The following NRG1 variants were observed in gnomAD, a reference collection of about 807,000 sequenced individuals.
NRG1 encodes neuregulin 1, also known as pro-neuregulin-1, membrane-bound isoform.
Under a neutral mutation model 63.8 loss-of-function variants are expected in NRG1, and 18 were observed. The observed-to-expected ratio is 0.28, with a 90% confidence interval of 0.19 to 0.42. The LOEUF is 0.42. Among genes scored for constraint, NRG1 ranks in the 10% least tolerant of loss-of-function variants. The pLI is 1.00. For missense variants in NRG1, 762 were observed against 814.7 expected (o/e 0.94, Z 0.79); for synonymous variants, 302 against 301.3 (o/e 1.00, Z -0.02).
At chr8:31,664,895 A>G (rs1299691040) in intron 1 of NRG1, among the ~76,000 whole-genome samples, 2 of 152,256 alleles carry the variant, frequency 1.3e-5, no homozygotes, top group Non-Finnish European at 2.9e-5. Flanking sequence ...CTTGTAATCT[A>G]AATGTGGAGA....
At chr8:32,042,322 A>G (rs1335081611) in intron 1 of NRG1, among the ~76,000 whole-genome samples, 4 of 152,014 alleles carry the variant, frequency 2.6e-5, no homozygotes, top group Non-Finnish European at 4.4e-5. Context: ...GCATAGTGGC[A>G]TGTGCCTGTA....
chr8:32,660,635 G>A (rs1388406035), intron 5 of NRG1, among the ~76,000 whole-genome samples: 2 of 152,182 alleles, frequency 1.3e-5, no homozygotes, highest in African/African-American at 2.4e-5. Flanking sequence ...GAACCAGATT[G>A]TCTGGCTTTA....
chr8:32,172,369 A>T (rs1840167376), intron 1 of NRG1, among the ~76,000 whole-genome samples: 1 of 152,186 alleles, frequency 6.6e-6, no homozygotes, highest in African/African-American at 2.4e-5. Flanking sequence ...CAAAGACCAA[A>T]GGTAGATAAA....
chr8:31,870,664 T>A (rs1829397617), intron 1 of NRG1, among the ~76,000 whole-genome samples: 2 of 152,198 alleles, frequency 1.3e-5, no homozygotes, highest in African/African-American at 4.8e-5. Context: ...GCTTTTCTTT[T>A]ACTTCATTTC....
chr8:32,558,195 C>G (rs1368057122), intron 1 of NRG1, among the ~76,000 whole-genome samples: 1 of 152,178 alleles, frequency 6.6e-6, no homozygotes, highest in East Asian at 1.9e-4. Flanking sequence ...TGAATCCACA[C>G]AAGGCCGCCT....
At chr8:31,810,326 C>T (rs1822765441) in intron 1 of NRG1, among the ~76,000 whole-genome samples, 3 of 152,184 alleles carry the variant, frequency 2.0e-5, no homozygotes, top group African/African-American at 7.2e-5. Context: ...AAACATAAAT[C>T]AAGTTCCATC....
intron 1 of NRG1, among the ~76,000 whole-genome samples, chr8:32,283,705 G>A (rs1390108282): frequency 6.6e-6 from 1 of 152,064 alleles, no homozygotes; most frequent in Non-Finnish European, 1.5e-5. Context: ...TCTAATAGGG[G>A]GTAGAGAAAC....
intron 1 of NRG1, among the ~76,000 whole-genome samples, chr8:31,918,677 T>C (rs989987581): frequency 2.6e-5 from 4 of 152,184 alleles, no homozygotes; most frequent in Admixed American, 1.3e-4. Context: ...TTTGTTTGTG[T>C]CTCTGTCCGG....
rs530564798 is a variant in NRG1, at chr8:31,842,015, T to C, written c.37+202584T>C. Among the ~76,000 whole-genome samples, 14 of 152,348 alleles carry C rather than the reference T, an allele frequency of 9.2e-5. No individual in the cohort carries two copies. The South Asian group carries it at 2.3e-3, about 25-fold the overall frequency. On this transcript the variant is annotated intron_variant, in intron 1 of 10. Coordinates refer to the NRG1 transcript ENST00000519301. ...CCTTCCCTCCTCCTCCTCCCCATTC[T>C]ACTCAGCTCTGAATTGCAGTTGCAT...
At chr8:32,127,602 G>A (rs895763843) in intron 1 of NRG1, among the ~76,000 whole-genome samples, 2 of 151,320 alleles carry the variant, frequency 1.3e-5, no homozygotes, top group African/African-American at 4.9e-5. Flanking sequence ...CTTCCATAGA[G>A]GGAAGACTGC....
intron 1 of NRG1, among the ~76,000 whole-genome samples, chr8:32,288,351 T>C (rs1441377934): frequency 6.6e-6 from 1 of 152,108 alleles, no homozygotes; most frequent in Non-Finnish European, 1.5e-5. Context: ...TTGGAGAAAA[T>C]TGTTGAGGCA....
chr8:32,366,695 A>G lies in NRG1; in HGVS notation c.38-229133A>G, dbSNP rs199668107. Among the ~76,000 whole-genome samples, 48 of 112,896 alleles carry G rather than the reference A, an allele frequency of 4.3e-4. No individual in the cohort carries two copies. The East Asian group carries it at 7.6e-3, about 18-fold the overall frequency. 74.1% of individuals were successfully genotyped at this position (112,896 alleles called of 152,430 possible). ...TGTGTGTGTATATATATATATATAT[A>G]TATATATATATATATATATCTCACT... On this transcript the variant is annotated intron_variant, in intron 1 of 10. Coordinates refer to the NRG1 transcript ENST00000519301.
chr8:31,825,866 C>T (rs1287823147), intron 1 of NRG1, among the ~76,000 whole-genome samples: 1 of 152,178 alleles, frequency 6.6e-6, no homozygotes, highest in Non-Finnish European at 1.5e-5. Flanking sequence ...CAAACATTTA[C>T]TGAATGTCTA....
intron 5 of NRG1, among the ~76,000 whole-genome samples, chr8:32,690,380 G>A (rs73675417): frequency 0.019 from 2,896 of 151,860 alleles, 106 homozygotes; most frequent in African/African-American, 0.067. Context: ...ACCCAGCACT[G>A]TAGGAAAATG....
intron 3 of NRG1, 198 bp from the exon 4 acceptor site, chr8:32,614,316 G>A: frequency 2.2e-6 from 1 of 464,092 alleles, no homozygotes; most frequent in Non-Finnish European, 3.9e-6. Context: ...TATGCTCTTT[G>A]CATAAGAAAG....
chr8:32,531,218 T>C (rs1318968206), intron 1 of NRG1, among the ~76,000 whole-genome samples: 2 of 151,688 alleles, frequency 1.3e-5, no homozygotes, highest in Non-Finnish European at 2.9e-5. Flanking sequence ...ACCTAGAAAA[T>C]ACCATGCAAT....
chr8:32,481,130 G>C (rs1825219624), intron 1 of NRG1, among the ~76,000 whole-genome samples: 1 of 152,160 alleles, frequency 6.6e-6, no homozygotes, highest in Admixed American at 6.5e-5. Flanking sequence ...GATTCCTTGA[G>C]CCCAGGAGTT....
intron 1 of NRG1, among the ~76,000 whole-genome samples, chr8:32,385,669 G>C (rs776714910): frequency 6.6e-6 from 1 of 152,064 alleles, no homozygotes; most frequent in Non-Finnish European, 1.5e-5. Context: ...ACAGTACCAA[G>C]GGGGATGGTG....
chr8:31,963,659 T>A (rs1324621274), intron 1 of NRG1, among the ~76,000 whole-genome samples: 1 of 152,210 alleles, frequency 6.6e-6, no homozygotes, highest in Non-Finnish European at 1.5e-5. Flanking sequence ...CTCTTTTCTT[T>A]GCCAAAGAAG....
Sources: allele counts gnomAD v4.1 joint callset (sites outside exome capture counted in the v4.1 genomes callset), GRCh38; gene constraint gnomAD v4.1.1; transcripts MANE v1.5; gene names NCBI Gene and HGNC (gene_info 2026-07-23, HGNC 2026-07-21).